MYO1D: variants seen among roughly 807,000 people sequenced by gnomAD.
MYO1D encodes the protein unconventional myosin-Id.
MYO1D carries 83 observed loss-of-function variants against 122.0 expected under a neutral mutation model. That is an observed-to-expected ratio of 0.68 (90% confidence interval 0.57 to 0.82). The LOEUF is 0.82. Ranked by LOEUF, MYO1D falls within the 40% of genes least tolerant of loss-of-function variation. The pLI is 0.00. For missense variants in MYO1D, 1,157 were observed against 1,269.5 expected, an observed-to-expected ratio of 0.91 and a Z score of 1.35; for synonymous variants, 464 against 446.9, an observed-to-expected ratio of 1.04 and a Z score of -0.48.
At chr17:32,575,659 T>C (rs1006446848) in intron 21 of MYO1D, among the ~76,000 whole-genome samples, 1 of 152,146 alleles carries the variant, frequency 6.6e-6, no homozygotes, top group East Asian at 1.9e-4. Flanking sequence ...GGTGTGTTTC[T>C]CCTAACTTTG....
At chr17:32,587,225 C>T (rs934602039) in intron 21 of MYO1D, among the ~76,000 whole-genome samples, 4 of 152,134 alleles carry the variant, frequency 2.6e-5, no homozygotes, top group African/African-American at 4.8e-5. Flanking sequence ...AAAAGTAACT[C>T]GCCAGGCCAG....
chr17:32,548,429 G>GGA (rs1231632202), intron 21 of MYO1D, among the ~76,000 whole-genome samples: 7 of 132,292 alleles, frequency 5.3e-5, no homozygotes, highest in African/African-American at 1.9e-4. Context: ...CCTGTCTCAA[G>GGA]AAAAAAAAAA....
At position 32,741,089 on chromosome 17, in the gene MYO1D, G is replaced by A. The variant is rs539517864; in HGVS notation, c.1614-2704C>T. Among the ~76,000 whole-genome samples the A allele has an allele frequency of 5.9e-5, 9 of 152,106 alleles. No individual in the cohort carries two copies. The South Asian group carries it at 1.7e-3, about 28-fold the overall frequency. On this transcript the variant is annotated intron_variant, in intron 13 of 21. Transcript: ENST00000318217. ...CTTAAATATAATTATATTGCTGGGT[G>A]TAGTGGTGCATGCCTGTACCCCCAG...
intron 1 of MYO1D, among the ~76,000 whole-genome samples, chr17:32,817,323 A>T (rs1400757742): frequency 6.6e-6 from 1 of 152,218 alleles, no homozygotes; most frequent in Non-Finnish European, 1.5e-5. Flanking sequence ...AAGCTTCTTT[A>T]TGTTGCTGAG....
At chr17:32,781,061 G>A (rs2090231804) in intron 1 of MYO1D, among the ~76,000 whole-genome samples, 1 of 152,124 alleles carries the variant, frequency 6.6e-6, no homozygotes, top group South Asian at 2.1e-4. Flanking sequence ...AATACAGAAG[G>A]GTAAGAAGAT....
chr17:32,712,681 T>C (rs186548697), intron 15 of MYO1D, among the ~76,000 whole-genome samples: 241 of 152,308 alleles, frequency 1.6e-3, no homozygotes, highest in Non-Finnish European at 3.1e-3. Context: ...AAAAAACTAT[T>C]ATAACTAAAA....
intron 21 of MYO1D, among the ~76,000 whole-genome samples, chr17:32,542,077 G>A (rs1910853090): frequency 6.6e-6 from 1 of 152,074 alleles, no homozygotes; most frequent in African/African-American, 2.4e-5. Context: ...AGGAACCCCT[G>A]GCTCCCAGAA....
chr17:32,860,051 G>A (rs1371951188), intron 1 of MYO1D, among the ~76,000 whole-genome samples: 1 of 152,124 alleles, frequency 6.6e-6, no homozygotes. Flanking sequence ...AGTCTTCTGG[G>A]GGGCTTCCTA....
At chr17:32,793,907 A>G (rs1371170929) in intron 1 of MYO1D, among the ~76,000 whole-genome samples, 1 of 152,248 alleles carries the variant, frequency 6.6e-6, no homozygotes, top group African/African-American at 2.4e-5. Flanking sequence ...AGTGCTCAGC[A>G]CACTAATTAG....
intron 20 of MYO1D, among the ~76,000 whole-genome samples, chr17:32,615,654 T>C (rs1471524726): frequency 6.6e-6 from 1 of 152,222 alleles, no homozygotes; most frequent in Non-Finnish European, 1.5e-5. Context: ...GGGCAACGGA[T>C]CAAACCCAGA....
At chr17:32,553,116 A>C (rs926648838) in intron 21 of MYO1D, among the ~76,000 whole-genome samples, 2 of 149,154 alleles carry the variant, frequency 1.3e-5, no homozygotes, top group African/African-American at 5.0e-5. Flanking sequence ...AAAAAAAAAC[A>C]AAAAAACCAG....
intron 14 of MYO1D, among the ~76,000 whole-genome samples, chr17:32,726,993 A>G (rs1320889599): frequency 6.6e-6 from 1 of 152,212 alleles, no homozygotes; most frequent in Non-Finnish European, 1.5e-5. Context: ...TGATATTGCA[A>G]TAAGTCAAGT....
chr17:32,760,751 G>A, intron 8 of MYO1D, 124 bp from the exon 9 acceptor site: 1 of 1,001,524 alleles, frequency 1.0e-6, no homozygotes, highest in Non-Finnish European at 1.4e-6. Flanking sequence ...ACTGGCCTCA[G>A]CAGAACAAAT....
At chr17:32,871,423 G>C (rs1050668378) in intron 1 of MYO1D, among the ~76,000 whole-genome samples, 2 of 152,166 alleles carry the variant, frequency 1.3e-5, no homozygotes, top group African/African-American at 4.8e-5. Context: ...AGGTACAAAA[G>C]ACATACTGTG....
chr17:32,610,541 A>T (rs1284744359), intron 20 of MYO1D, among the ~76,000 whole-genome samples: 1 of 152,154 alleles, frequency 6.6e-6, no homozygotes, highest in Non-Finnish European at 1.5e-5. Flanking sequence ...CAGCCATGTG[A>T]TCTTGAGTGA....
intron 16 of MYO1D, among the ~76,000 whole-genome samples, chr17:32,662,473 C>T (rs142913553): frequency 1.3e-5 from 2 of 152,258 alleles, no homozygotes; most frequent in Non-Finnish European, 2.9e-5. Flanking sequence ...GAGTTCCAGA[C>T]CAGCTTGGCC....
rs2089937469 is a variant in MYO1D at position 32,755,477 on chromosome 17, C to T, written c.1467+15G>A. The T allele has an allele frequency of 1.2e-6, 2 of 1,610,950 alleles. No individual in the cohort carries two copies. Among genetic ancestry groups the T allele is most frequent in the Non-Finnish European group, 1.7e-6 (2 of 1,178,058 alleles). ...CTCACAGATAAAAGGAAGAAGGTGT[C>T]ATTAAACACATTACCTTTCGGCTGG... On this transcript the variant is annotated intron_variant, in intron 11 of 21. Coordinates refer to ENST00000318217, the MANE Select transcript of MYO1D (RefSeq NM_015194.3).
intron 21 of MYO1D, among the ~76,000 whole-genome samples, chr17:32,509,738 G>A (rs994398170): frequency 2.0e-5 from 3 of 152,038 alleles, no homozygotes; most frequent in Non-Finnish European, 2.9e-5. Context: ...ATAGGCGTGC[G>A]CCACCACACC....
chr17:32,634,904 C>T lies in MYO1D; in HGVS notation c.2709+3818G>A, dbSNP rs143222298. ...TTCAGCGTGATCTGTGACCAAGGTC[C>T]AAATGTGGCTTGGGCCTAAGGATGA... On this transcript the variant is annotated intron_variant, in intron 20 of 21. Coordinates refer to ENST00000318217, the MANE Select transcript of MYO1D (RefSeq NM_015194.3). Among the ~76,000 whole-genome samples the T allele has an allele frequency of 1.6e-3, 241 of 152,220 alleles. 1 individual carries two copies. The highest frequency in any genetic ancestry group is 5.5e-3 in the African/African-American group (230 of 41,548).
Sources: allele counts gnomAD v4.1 joint callset (sites outside exome capture counted in the v4.1 genomes callset), GRCh38; gene constraint gnomAD v4.1.1; transcripts MANE v1.5; gene names NCBI Gene and HGNC (gene_info 2026-07-23, HGNC 2026-07-21).